MDN1: variants seen among roughly 807,000 people sequenced by gnomAD.
The protein encoded by MDN1 is midasin.
In MDN1, 266 loss-of-function variants were observed where a neutral mutation model predicts 669.2. The observed-to-expected ratio is 0.40, with a 90% CI of 0.36 to 0.44. MDN1 has a LOEUF of 0.44. MDN1 is among the 20% of genes least tolerant of loss of function. The pLI is 1.00. For synonymous variants in MDN1, 2,385 were observed against 2,457.1 expected (o/e 0.97, Z 0.87); for missense variants, 5,940 against 6,754.0 (o/e 0.88, Z 4.22).
chr6:89,690,577 G>A (rs1479019595), intron 64 of MDN1, 96 bp downstream of exon 64: 5 of 1,452,654 alleles, frequency 3.4e-6, no homozygotes, highest in African/African-American at 1.4e-5. Flanking sequence ...TACATACAGA[G>A]AGAGAGATAA....
chr6:89,716,635 G>T lies in MDN1; in HGVS notation c.6743+15C>A. On this transcript the variant is annotated intron_variant, in intron 44 of 101. Transcript: ENST00000369393. ...AATTTCAAGTTGGACCACTGATTAG[G>T]CATAAGGTTCTTACTTGCAGAAGTT... 1 of 1,603,578 alleles carries T rather than the reference G, an allele frequency of 6.2e-7. No individual in the cohort carries two copies. Among genetic ancestry groups the T allele is most frequent in the Non-Finnish European group, 8.5e-7 (1 of 1,176,540 alleles).
intron 1 of MDN1, chr6:89,814,806 G>A (rs545299497): frequency 1.1e-5 from 5 of 461,206 alleles, no homozygotes; most frequent in South Asian, 4.8e-5. Context: ...AGGGCCCTGG[G>A]TTCTCTGTGC....
intron 59 of MDN1, among the ~76,000 whole-genome samples, chr6:89,697,237 T>C (rs2128308948): frequency 6.6e-6 from 1 of 152,328 alleles, no homozygotes; most frequent in Admixed American, 6.5e-5. Context: ...CGCTTTTGGA[T>C]CTGTTTGTAT....
At chr6:89,758,723 T>A in intron 18 of MDN1, 93 bp downstream of exon 18, 1 of 1,361,306 alleles carries the variant, frequency 7.3e-7, no homozygotes, top group Middle Eastern at 1.9e-4. Flanking sequence ...GGGAGGCCCA[T>A]GTCATCCTTC....
intron 11 of MDN1, 64 bp from the exon 12 acceptor site, chr6:89,776,759 C>G (rs757644681): frequency 1.1e-5 from 13 of 1,170,486 alleles, no homozygotes; most frequent in Non-Finnish European, 1.6e-5. Context: ...CACAGAACAT[C>G]ATTTTCCTGG....
At chr6:89,661,021 ACAAT>A (rs1041487995) in intron 88 of MDN1, among the ~76,000 whole-genome samples, 1 of 152,222 alleles carries the variant, frequency 6.6e-6, no homozygotes, top group Non-Finnish European at 1.5e-5. Context: ...ACTACACATG[ACAAT>A]CAATAACTGA....
chr6:89,784,367 A>G lies in MDN1; in HGVS notation c.1449+645T>C, dbSNP rs191204762. ...AAGATTGAAGTTTGTTTGGTGTCACATATTTACCTATATACCTACATCAAT... is the reference window on the plus strand; with the variant it reads ...AAGATTGAAGTTTGTTTGGTGTCACGTATTTACCTATATACCTACATCAAT... On this transcript the variant is annotated intron_variant, in intron 9 of 101. Coordinates refer to ENST00000369393, the MANE Select transcript of MDN1 (RefSeq NM_014611.3). 2.9e-3 allele frequency among the ~76,000 whole-genome samples: 437 copies of G among 152,280 alleles called. 1 individual carries two copies. The highest frequency in any genetic ancestry group is 0.01 in the African/African-American group (420 of 41,570).
At position 89,789,065 on chromosome 6, in the gene MDN1, A is replaced by G. The variant is rs2128326192; in HGVS notation, c.1230+715T>C. Among the ~76,000 whole-genome samples, 3 of 152,246 alleles carry G rather than the reference A, an allele frequency of 2.0e-5. 1 individual carries two copies. The South Asian group carries it at 6.2e-4, about 32-fold the overall frequency. Reference sequence around the variant, plus strand: ...CTGGAGCCCGGGAGACGGAGGCTGCAGTGAGCCGAGATCGTGCTACTGCAC... The same window carrying G: ...CTGGAGCCCGGGAGACGGAGGCTGCGGTGAGCCGAGATCGTGCTACTGCAC... On this transcript the variant is annotated intron_variant, in intron 7 of 101. Transcript: ENST00000369393.
intron 87 of MDN1, 115 bp downstream of exon 87, chr6:89,661,972 T>C: frequency 8.4e-7 from 1 of 1,184,804 alleles, no homozygotes; most frequent in Non-Finnish European, 1.2e-6. Context: ...TATGAGGTAA[T>C]GGGAGAGCAG....
chr6:89,690,413 A>C (rs755643975), intron 64 of MDN1, among the ~76,000 whole-genome samples: 75 of 152,060 alleles, frequency 4.9e-4, no homozygotes, highest in Non-Finnish European at 8.4e-4. Context: ...CTCTGTAAAA[A>C]ATATAAAAAC....
intron 1 of MDN1, among the ~76,000 whole-genome samples, chr6:89,806,427 G>A (rs292216): frequency 0.18 from 27,452 of 151,966 alleles, 2,821 homozygotes; most frequent in South Asian, 0.33. Flanking sequence ...TTAAAAATTA[G>A]CTGGTGTGGC....
At chr6:89,783,300 C>T (rs1231869383) in intron 9 of MDN1, among the ~76,000 whole-genome samples, 2 of 152,082 alleles carry the variant, frequency 1.3e-5, no homozygotes, top group African/African-American at 2.4e-5. Context: ...TATAAATGGC[C>T]GCTCTGGGAA....
At chr6:89,749,485 G>A (rs1405495942) in intron 25 of MDN1, 58 bp downstream of exon 25, 14 of 1,595,266 alleles carry the variant, frequency 8.8e-6, no homozygotes, top group Admixed American at 5.1e-5. Flanking sequence ...TTCTTACTAC[G>A]AAAAATCTAC....
At position 89,794,574 on chromosome 6, in the gene MDN1, C is replaced by T. The variant is rs1261069955; in HGVS notation, c.554+3G>A. The T allele has an allele frequency of 3.1e-6, 5 of 1,612,532 alleles. No homozygotes were observed. The highest frequency in any genetic ancestry group is 2.2e-5 in the East Asian group (1 of 44,894). On this transcript the variant is annotated splice_donor_region_variant and intron_variant, in intron 3 of 101. Coordinates refer to ENST00000369393, the MANE Select transcript of MDN1 (RefSeq NM_014611.3). ...AGTGCAAAAAAGTCTAACAGCTACG[C>T]ACCAGCGAACCAAGGTGTCATGGCT...
chr6:89,719,039 A>G lies in MDN1; in HGVS notation c.6058-9T>C. On this transcript the variant is annotated splice_polypyrimidine_tract_variant and intron_variant, in intron 41 of 101. Transcript: ENST00000369393. ...AGGACTGAGTAGCCCAACTGAAAAG[A>G]CATGCCAGTGAGATTTCCATAAGCG... The G allele has an allele frequency of 6.2e-7, 1 of 1,614,032 alleles. No individual in the cohort carries two copies. Among genetic ancestry groups the G allele is most frequent in the Non-Finnish European group, 8.5e-7 (1 of 1,179,880 alleles).
rs1299246888 is a variant in MDN1, at chr6:89,676,076, G to C, written c.12645+26C>G. 6 of 1,602,130 alleles carry C rather than the reference G, an allele frequency of 3.7e-6. No homozygotes were observed. In the African/African-American group the frequency reaches 8.0e-5, roughly 21 times the overall value. ...GAACAAGGGCTTTCCCTGAGCCCCT[G>C]CAAGACTCATGTTCTATCATTCTAC... On this transcript the variant is annotated intron_variant, in intron 77 of 101. Transcript: ENST00000369393.
intron 1 of MDN1, chr6:89,815,190 C>T (rs149094438): frequency 0.032 from 12,473 of 388,654 alleles, 292 homozygotes; most frequent in Middle Eastern, 0.095. Flanking sequence ...TGCCTACCCT[C>T]TACGGCAGTG....
chr6:89,690,201 A>G (rs964731419), intron 64 of MDN1, 58 bp from the exon 65 acceptor site: 12 of 1,531,096 alleles, frequency 7.8e-6, no homozygotes, highest in African/African-American at 2.8e-5. Flanking sequence ...TTCTAATCAG[A>G]CTAAAAGGAA....
Position 89,762,336 on chromosome 6 carries a change from C to G in MDN1, c.2339G>C (p.Gly780Ala). Residue 780 changes from glycine to alanine, a missense_variant, in exon 16 of 102, where the codon GGA becomes GCA. Physicochemically the swap from Gly to Ala is moderately conservative, Grantham distance 60 (BLOSUM62 0). Coordinates refer to ENST00000369393, the MANE Select transcript of MDN1 (RefSeq NM_014611.3). ...ATCCTTACCAGTTTCACTGTCTTTT[C>G]CATCCTTGTTAACAGCAGACTTGTG... ...HVHKSAVNKD[G>A]KDSETGLLIK... 3.7e-6 allele frequency: 6 copies of G among 1,614,000 alleles called. No homozygotes were observed. Among genetic ancestry groups the G allele is most frequent in the Non-Finnish European group, 5.1e-6 (6 of 1,179,948 alleles).
Sources: gnomAD v4.1 joint callset for allele counts (sites outside exome capture counted in the v4.1 genomes callset) on GRCh38, gnomAD v4.1.1 for gene constraint, MANE v1.5 for transcripts, NCBI Gene and HGNC (gene_info 2026-07-23, HGNC 2026-07-21) for gene names.